Variants in FAM151B observed in about 807,000 individuals in gnomAD.
FAM151B encodes family with sequence similarity 151 member B, also known as protein FAM151B.
FAM151B carries 24 observed loss-of-function variants against 31.2 expected under a neutral mutation model. The observed-to-expected ratio is 0.77, with a 90% confidence interval of 0.56 to 1.08. The LOEUF is 1.08. Ranked by LOEUF, FAM151B falls within the 50% of genes least tolerant of loss-of-function variation. The pLI is 0.00. For missense variants in FAM151B, 293 were observed against 328.6 expected (o/e 0.89, Z 0.84); for synonymous variants, 105 against 111.4 (o/e 0.94, Z 0.36).
intron 5 of FAM151B, among the ~76,000 whole-genome samples, chr5:80,533,657 G>A (rs1192094070): frequency 6.9e-6 from 1 of 144,656 alleles, no homozygotes; most frequent in African/African-American, 2.5e-5. Flanking sequence ...GGCTGATGCA[G>A]GAGAATCAGT....
At chr5:80,538,513 T>TTTCTTTCCTTCC (rs1210333115) in intron 5 of FAM151B, among the ~76,000 whole-genome samples, 14 of 61,504 alleles carry the variant, frequency 2.3e-4, no homozygotes, top group Non-Finnish European at 4.2e-4. Context: ...CTTTTCTTTC[T>TTTCTTTCCTTCC]TTCCTTCCTT....
intron 3 of FAM151B, among the ~76,000 whole-genome samples, chr5:80,517,568 A>G (rs868147768): frequency 5.6e-5 from 2 of 35,954 alleles, no homozygotes; most frequent in Admixed American, 2.3e-4. Context: ...CGCAGATTTT[A>G]AGTTTCTGGT....
chr5:80,527,923 T>C (rs1362156886), intron 5 of FAM151B, among the ~76,000 whole-genome samples: 1 of 152,240 alleles, frequency 6.6e-6, no homozygotes, highest in Non-Finnish European at 1.5e-5. Flanking sequence ...TTTGACTCTT[T>C]AGCAATAACA....
At chr5:80,521,225 A>G (rs1418190620) in intron 4 of FAM151B, among the ~76,000 whole-genome samples, 1 of 149,646 alleles carries the variant, frequency 6.7e-6, no homozygotes, top group East Asian at 2.0e-4. Flanking sequence ...CCTGGGCTCA[A>G]GTGATCCTCC....
chr5:80,533,749 C>CAAAAAAAAAAAAAAAAAA (rs71601590), intron 5 of FAM151B, among the ~76,000 whole-genome samples: 1 of 67,524 alleles, frequency 1.5e-5, no homozygotes, highest in Non-Finnish European at 2.7e-5. Flanking sequence ...GACTCCATCT[C>CAAAAAAAAAAAAAAAAAA]AAAAAAAAAA....
At chr5:80,522,174 G>A in intron 5 of FAM151B, 36 bp downstream of exon 5, 1 of 1,576,250 alleles carries the variant, frequency 6.3e-7, no homozygotes. Flanking sequence ...ATGTGAGTGT[G>A]TATGAGAGAC....
intron 5 of FAM151B, among the ~76,000 whole-genome samples, chr5:80,530,255 T>C (rs1283616257): frequency 6.6e-6 from 1 of 152,072 alleles, no homozygotes; most frequent in Non-Finnish European, 1.5e-5. Context: ...AAGAGCTATT[T>C]ATGACAAACC....
At chr5:80,520,599 C>T (rs1289059607) in intron 4 of FAM151B, among the ~76,000 whole-genome samples, 1 of 146,676 alleles carries the variant, frequency 6.8e-6, no homozygotes, top group East Asian at 2.0e-4. Flanking sequence ...GAGCCAAGAT[C>T]GTGCCACTGT....
At chr5:80,492,207 C>A (rs1225497926) in intron 1 of FAM151B, among the ~76,000 whole-genome samples, 1 of 151,882 alleles carries the variant, frequency 6.6e-6, no homozygotes, top group African/African-American at 2.4e-5. Flanking sequence ...AGGTTTGTAG[C>A]AACCTTGTAT....
intron 5 of FAM151B, among the ~76,000 whole-genome samples, chr5:80,531,020 T>C (rs1193983443): frequency 6.6e-6 from 1 of 152,146 alleles, no homozygotes; most frequent in Non-Finnish European, 1.5e-5. Flanking sequence ...AACAGCATAG[T>C]ACTGGTACCA....
chr5:80,494,355 C>T (rs144183837), intron 1 of FAM151B, among the ~76,000 whole-genome samples: 1 of 152,324 alleles, frequency 6.6e-6, no homozygotes, highest in African/African-American at 2.4e-5. Context: ...GGAGAAGCTA[C>T]AGCAAGTGAT....
rs184846322 is a variant in FAM151B, at chr5:80,512,757, A to T, written c.152-847A>T. ...TAATGCTGCTACTGCATCAGCCTGGATGACAGGGTAAGACCCTGTTTCTAA... is the reference window on the plus strand; with the variant it reads ...TAATGCTGCTACTGCATCAGCCTGGTTGACAGGGTAAGACCCTGTTTCTAA... On this transcript the variant is annotated intron_variant, in intron 2 of 5. Transcript: ENST00000282226. 1.0e-4 allele frequency among the ~76,000 whole-genome samples: 15 copies of T among 150,394 alleles called. No individual in the cohort carries two copies. In the East Asian group the frequency reaches 2.2e-3, roughly 22 times the overall value.
chr5:80,501,986 A>G, intron 2 of FAM151B, 69 bp downstream of exon 2: 1 of 1,316,840 alleles, frequency 7.6e-7, no homozygotes, highest in Non-Finnish European at 1.0e-6. Context: ...TTTGATATCT[A>G]GGTATATTTG....
At position 80,513,664 on chromosome 5, in the gene FAM151B, A is replaced by C; in HGVS notation, c.212A>C (p.Gln71Pro). The C allele has an allele frequency of 6.2e-7, 1 of 1,614,194 alleles. No homozygotes were observed. Among genetic ancestry groups the C allele is most frequent in the Non-Finnish European group, 8.5e-7 (1 of 1,180,022 alleles). ...LLPSDGSEHS[Q>P]PIMAHPPETN... The stretch of plus-strand genomic sequence containing the variant: ...CCAAGTGATGGATCAGAACACAGCC[A>C]GCCAATTATGGCCCATCCCCCTGAA... The change falls in exon 3 of 6, where the codon CAG (glutamine) becomes CCG (proline). Residue 71 changes from glutamine (Q) to proline (P), a missense_variant. Transcript: ENST00000282226.
intron 3 of FAM151B, 83 bp downstream of exon 3, chr5:80,513,852 C>T (rs1404429940): frequency 7.7e-7 from 1 of 1,293,382 alleles, no homozygotes; most frequent in African/African-American, 1.5e-5. Context: ...GTTATCCAAA[C>T]TGAAAATGGA....
intron 5 of FAM151B, among the ~76,000 whole-genome samples, chr5:80,533,296 G>A (rs559144788): frequency 1.3e-5 from 2 of 152,116 alleles, no homozygotes; most frequent in East Asian, 3.9e-4. Context: ...AGAATGGTGT[G>A]AACCTGGGAG....
intron 1 of FAM151B, among the ~76,000 whole-genome samples, chr5:80,494,107 C>A (rs953870608): frequency 9.9e-5 from 15 of 152,120 alleles, no homozygotes; most frequent in Non-Finnish European, 1.6e-4. Context: ...GGGGCTGGTT[C>A]CCCCGATATA....
At chr5:80,509,324 AG>A (rs1580425841) in intron 2 of FAM151B, among the ~76,000 whole-genome samples, 1 of 152,072 alleles carries the variant, frequency 6.6e-6, no homozygotes, top group African/African-American at 2.4e-5. Context: ...CGAGGTGATT[AG>A]GCCATGAGGG....
At chr5:80,536,592 C>T (rs1454421028) in intron 5 of FAM151B, among the ~76,000 whole-genome samples, 1 of 152,148 alleles carries the variant, frequency 6.6e-6, no homozygotes, top group East Asian at 1.9e-4. Flanking sequence ...GATAGCTGTA[C>T]TTCGATGTTT....
Sources: allele counts gnomAD v4.1 joint callset (sites outside exome capture counted in the v4.1 genomes callset), GRCh38; gene constraint gnomAD v4.1.1; transcripts MANE v1.5; gene names NCBI Gene and HGNC (gene_info 2026-07-23, HGNC 2026-07-21).